The following DNAJC27 variants were observed in gnomAD, a reference collection of about 807,000 sequenced individuals.
DNAJC27 encodes DnaJ heat shock protein family (Hsp40) member C27.
A neutral mutation model predicts 31.4 loss-of-function variants in DNAJC27; 25 were observed. The ratio of observed to expected loss-of-function variants is 0.80; its 90% confidence interval spans 0.58 to 1.11. The LOEUF (loss-of-function observed/expected upper bound fraction) is 1.11. DNAJC27 is among the 50% of genes most tolerant of loss of function. The pLI, the probability that DNAJC27 is intolerant of heterozygous loss-of-function variation, is 0.00. For synonymous variants in DNAJC27, 106 were observed against 112.7 expected (o/e 0.94, Z 0.37); for missense variants, 356 against 347.3 (o/e 1.02, Z -0.20).
chr2:24,957,416 T>C (rs550593780), intron 4 of DNAJC27, among the ~76,000 whole-genome samples: 1 of 152,294 alleles, frequency 6.6e-6, no homozygotes, highest in African/African-American at 2.4e-5. Flanking sequence ...GGAAAACAGC[T>C]GTTACTCAGT....
Position 24,945,873 on chromosome 2 carries a change from G to A in DNAJC27, c.*1743C>T, listed in dbSNP as rs1455871272. 4 of 152,210 alleles carry A rather than the reference G, an allele frequency of 2.6e-5. No homozygotes were observed. Among genetic ancestry groups the A allele is most frequent in the Non-Finnish European group, 5.9e-5 (4 of 68,032 alleles). The allele number at this position is 152,210 out of a possible 1,614,324, so 9.4% of individuals were successfully genotyped here. On this transcript the variant is annotated 3_prime_UTR_variant, in exon 7 of 7. Coordinates refer to ENST00000264711, the MANE Select transcript of DNAJC27 (RefSeq NM_016544.3). ...GTGGAAAATCCACAAGGCTGCAGTG[G>A]GCTTGGATTGGAAGAAAGTGGCTTT...
chr2:24,948,633 G>A (rs1665700437), intron 6 of DNAJC27, among the ~76,000 whole-genome samples: 1 of 152,138 alleles, frequency 6.6e-6, no homozygotes, highest in Non-Finnish European at 1.5e-5. Flanking sequence ...CGGCGGTTCC[G>A]ATAAACCAGC....
At chr2:24,965,111 C>T (rs1002138328) in intron 2 of DNAJC27, among the ~76,000 whole-genome samples, 2 of 151,414 alleles carry the variant, frequency 1.3e-5, no homozygotes, top group Admixed American at 6.6e-5. Context: ...GAGGCTGAGG[C>T]AGGAGAATCG....
At chr2:24,949,936 CT>C (rs397949355) in intron 6 of DNAJC27, among the ~76,000 whole-genome samples, 280 of 138,568 alleles carry the variant, frequency 2.0e-3, no homozygotes, top group South Asian at 0.01. Flanking sequence ...ACCCTACTGG[CT>C]TTTTTTTTTT....
At chr2:24,962,745 T>C (rs184656265) in intron 3 of DNAJC27, among the ~76,000 whole-genome samples, 2 of 152,150 alleles carry the variant, frequency 1.3e-5, no homozygotes, top group South Asian at 2.1e-4. Context: ...AAATCAATAA[T>C]CTAAGATCCC....
In DNAJC27 at chr2:24,945,695, A is replaced by G. The variant is rs1393670179; in HGVS notation, c.*1921T>C. On this transcript the variant is annotated 3_prime_UTR_variant, in exon 7 of 7. Coordinates refer to ENST00000264711, the MANE Select transcript of DNAJC27 (RefSeq NM_016544.3). ...AGAAGCCAGTTAAAGGCCAGAGGAA[A>G]ACCTCGCAAGAAATAACATATATCA... 2 of 152,248 alleles carry G rather than the reference A, an allele frequency of 1.3e-5. No homozygotes were observed. The highest frequency in any genetic ancestry group is 2.9e-5 in the Non-Finnish European group (2 of 68,046). The allele number at this position is 152,248 out of a possible 1,614,324, so 9.4% of individuals were successfully genotyped here.
At position 24,946,005 on chromosome 2, in the gene DNAJC27, A is replaced by T. The variant is rs1004882067; in HGVS notation, c.*1611T>A. On this transcript the variant is annotated 3_prime_UTR_variant, in exon 7 of 7. Transcript: ENST00000264711. ...TATACTTTCAAGCCCCAATTAGTAC[A>T]GCTAATTGAAAGTATATAAAAATGT... The T allele has an allele frequency of 6.6e-6, 1 of 152,244 alleles. No homozygotes were observed. Among genetic ancestry groups the T allele is most frequent in the Non-Finnish European group, 1.5e-5 (1 of 68,050 alleles). 9.4% of individuals were successfully genotyped at this position (152,244 alleles called of 1,614,324 possible).
At chr2:24,963,508 A>ACCATGACTTTCTTTC in intron 2 of DNAJC27, 34 bp from the exon 3 acceptor site, 1 of 1,564,070 alleles carries the variant, frequency 6.4e-7, no homozygotes. Flanking sequence ...TCCGAAAGAA[A>ACCATGACTTTCTTTC]GTCATGGTTT....
At chr2:24,949,476 C>A (rs541452649) in intron 6 of DNAJC27, among the ~76,000 whole-genome samples, 10 of 152,292 alleles carry the variant, frequency 6.6e-5, no homozygotes, top group Admixed American at 6.5e-4. Flanking sequence ...TACATCAATT[C>A]CGTTGAAGAC....
Position 24,947,934 on chromosome 2 carries a change from C to A in DNAJC27, c.690-186G>T, listed in dbSNP as rs932867969. Among the ~76,000 whole-genome samples, 27 of 152,222 alleles carry A rather than the reference C, an allele frequency of 1.8e-4. 1 individual carries two copies. Among genetic ancestry groups the A allele is most frequent in the African/African-American group, 6.3e-4 (26 of 41,528 alleles). ...AATAAATAGTATGTAATATATAACACAAATTGAAAAAGTTATTATTGCACA... is the reference window on the plus strand; with the variant it reads ...AATAAATAGTATGTAATATATAACAAAAATTGAAAAAGTTATTATTGCACA... On this transcript the variant is annotated intron_variant, in intron 6 of 6. Transcript: ENST00000264711.
chr2:24,958,493 T>C (rs1665963054), intron 3 of DNAJC27: 5 of 315,688 alleles, frequency 1.6e-5, no homozygotes, highest in Admixed American at 7.4e-5. Flanking sequence ...TGTGATACAA[T>C]GGAAAAGAGC....
chr2:24,950,204 A>G (rs994222922), intron 6 of DNAJC27, among the ~76,000 whole-genome samples: 12 of 152,144 alleles, frequency 7.9e-5, no homozygotes, highest in East Asian at 5.8e-4. Flanking sequence ...AGTGTGCCCA[A>G]TAACAGTTTT....
At chr2:24,959,186 C>T (rs1042173836) in intron 3 of DNAJC27, among the ~76,000 whole-genome samples, 5 of 152,172 alleles carry the variant, frequency 3.3e-5, no homozygotes, top group Admixed American at 6.5e-5. Flanking sequence ...TTTTCTAAAA[C>T]TCTCACTGCC....
chr2:24,947,324 T>C lies in DNAJC27; in HGVS notation c.*292A>G. The C allele has an allele frequency of 4.1e-6, 1 of 242,204 alleles. No homozygotes were observed. Among genetic ancestry groups the C allele is most frequent in the Non-Finnish European group, 7.9e-6 (1 of 127,154 alleles). 15.0% of individuals were successfully genotyped at this position (242,204 alleles called of 1,614,324 possible). A position where few individuals can be genotyped will look rare whatever the true frequency, so the allele number is the denominator to read the frequency against. ...ACCTTGTGGATTTCCCCAAGTGAAA[T>C]GTCTAAGTGATACTATAATTACAGA... On this transcript the variant is annotated 3_prime_UTR_variant, in exon 7 of 7. Transcript: ENST00000264711.
rs1665615134 is a variant in DNAJC27 at position 24,945,079 on chromosome 2, CAAG to C, written c.*2534_*2536del. On this transcript the variant is annotated 3_prime_UTR_variant, in exon 7 of 7. Coordinates refer to ENST00000264711, the MANE Select transcript of DNAJC27 (RefSeq NM_016544.3). The stretch of plus-strand genomic sequence containing the variant: ...TGAACTACAAAGCACACATTTGCAC[CAAG>C]AATTTAAATTAATGCATAGATGTCT... 6 of 152,204 alleles carry C rather than the reference CAAG, an allele frequency of 3.9e-5. No individual in the cohort carries two copies. In the South Asian group the frequency reaches 1.2e-3, roughly 32 times the overall value. 9.4% of individuals were successfully genotyped at this position (152,204 alleles called of 1,614,324 possible). A position where few individuals can be genotyped will look rare whatever the true frequency, so the allele number is the denominator to read the frequency against.
intron 5 of DNAJC27, among the ~76,000 whole-genome samples, chr2:24,952,787 T>A (rs1283332594): frequency 1.3e-5 from 2 of 152,244 alleles, no homozygotes; most frequent in Non-Finnish European, 2.9e-5. Context: ...ACATCTTAAG[T>A]GTTACTAATC....
chr2:24,970,616 C>CA (rs1666307174), intron 1 of DNAJC27, among the ~76,000 whole-genome samples: 1 of 151,580 alleles, frequency 6.6e-6, no homozygotes, highest in South Asian at 2.1e-4. Context: ...AGGCGTGCAC[C>CA]ACCATGCCTG....
At chr2:24,962,319 G>T (rs1477573870) in intron 3 of DNAJC27, among the ~76,000 whole-genome samples, 1 of 151,604 alleles carries the variant, frequency 6.6e-6, no homozygotes, top group African/African-American at 2.4e-5. Flanking sequence ...GGAGTGAAGT[G>T]GCACGATTTT....
chr2:24,966,344 C>T (rs1187372680), intron 2 of DNAJC27, among the ~76,000 whole-genome samples: 2 of 152,182 alleles, frequency 1.3e-5, no homozygotes, highest in Non-Finnish European at 2.9e-5. Flanking sequence ...CTATCTACCC[C>T]AATTCTACTG....
Sources: gnomAD v4.1 joint callset for allele counts (sites outside exome capture counted in the v4.1 genomes callset) on GRCh38, gnomAD v4.1.1 for gene constraint, MANE v1.5 for transcripts, NCBI Gene and HGNC (gene_info 2026-07-23, HGNC 2026-07-21) for gene names.